The following NDUFAF6 variants were observed in gnomAD, a reference collection of about 807,000 sequenced individuals.
NDUFAF6 encodes the protein NADH:ubiquinone oxidoreductase complex assembly factor 6.
A neutral mutation model predicts 40.8 loss-of-function variants in NDUFAF6; 45 were observed. The observed-to-expected ratio is 1.10, with a 90% CI of 0.87 to 1.42. The LOEUF is 1.42. Ranked by LOEUF, NDUFAF6 falls within the 40% of genes most tolerant of loss-of-function variation. The pLI is 0.00. For synonymous variants in NDUFAF6, 185 were observed against 155.9 expected (o/e 1.19, Z -1.39); for missense variants, 435 against 418.5 (o/e 1.04, Z -0.34).
intron 2 of NDUFAF6, among the ~76,000 whole-genome samples, chr8:94,983,456 A>G (rs557871255): frequency 2.1e-4 from 32 of 151,644 alleles, no homozygotes; most frequent in Non-Finnish European, 4.0e-4. Flanking sequence ...AGTAGAGACA[A>G]GTTTTCAGCA....
intron 1 of NDUFAF6, among the ~76,000 whole-genome samples, chr8:94,899,554 A>G (rs1259226182): frequency 6.6e-6 from 1 of 152,236 alleles, no homozygotes; most frequent in Non-Finnish European, 1.5e-5. Flanking sequence ...TTCCTGGTTT[A>G]TAAATGAGGA....
In NDUFAF6 at chr8:95,093,331, A is replaced by G. The variant is rs185781351; in HGVS notation, n.214-7801A>G. Among the ~76,000 whole-genome samples the G allele has an allele frequency of 2.1e-3, 323 of 152,288 alleles. 4 individuals carry two copies. Among genetic ancestry groups the G allele is most frequent in the Non-Finnish European group, 7.2e-4 (49 of 68,012 alleles). Reference sequence around the variant, plus strand: ...ATCTGAGGAATGCAGGCCTCCTTTCATTATCAGGCCCAAAGCAGCACTGAA... The same window carrying G: ...ATCTGAGGAATGCAGGCCTCCTTTCGTTATCAGGCCCAAAGCAGCACTGAA... On this transcript the variant is annotated intron_variant and non_coding_transcript_variant, in intron 2 of 5. Transcript: ENST00000523184.
intron 2 of NDUFAF6, among the ~76,000 whole-genome samples, chr8:95,033,294 C>A (rs1380428921): frequency 6.6e-6 from 1 of 152,162 alleles, no homozygotes; most frequent in Non-Finnish European, 1.5e-5. Context: ...GTTCTCCTGC[C>A]TCAGCCCCTA....
upstream of NDUFAF6, among the ~76,000 whole-genome samples, chr8:94,956,012 GCAGCTGAAT>G (rs1823038734): frequency 6.6e-6 from 1 of 152,162 alleles, no homozygotes; most frequent in Non-Finnish European, 1.5e-5. Context: ...AAAGTGAGAA[GCAGCTGAAT>G]CAGCTGAATC....
intron 1 of NDUFAF6, among the ~76,000 whole-genome samples, chr8:94,935,128 T>TAGATAGATAG (rs1554630991): frequency 6.9e-5 from 10 of 144,750 alleles, no homozygotes; most frequent in South Asian, 2.3e-4. Flanking sequence ...GGTAGATAGA[T>TAGATAGATAG]ATAGATAGAT....
intron 2 of NDUFAF6, among the ~76,000 whole-genome samples, chr8:94,996,140 A>T (rs924405316): frequency 3.9e-5 from 6 of 152,172 alleles, no homozygotes; most frequent in Non-Finnish European, 5.9e-5. Flanking sequence ...GTATCACGTT[A>T]AGTTAAACTG....
At chr8:95,097,909 C>T (rs1456748237), upstream of NDUFAF6, among the ~76,000 whole-genome samples, 2 of 152,150 alleles carry the variant, frequency 1.3e-5, no homozygotes, top group Non-Finnish European at 1.5e-5. Flanking sequence ...ATCTCTAGGC[C>T]TACTGGAGCA....
chr8:94,928,396 T>C (rs1465010560), intron 1 of NDUFAF6: 2 of 152,324 alleles, frequency 1.3e-5, no homozygotes, highest in African/African-American at 4.8e-5. Flanking sequence ...CTGAAGACAT[T>C]AAGCTGGTCT....
intron 2 of NDUFAF6, among the ~76,000 whole-genome samples, chr8:94,996,240 A>G (rs552948088): frequency 6.6e-6 from 1 of 152,160 alleles, no homozygotes; most frequent in Non-Finnish European, 1.5e-5. Context: ...GTACAATGAA[A>G]CAAATGCCAC....
At chr8:95,113,728 A>C (rs1207088884) in intron 4 of NDUFAF6, among the ~76,000 whole-genome samples, 1 of 152,198 alleles carries the variant, frequency 6.6e-6, no homozygotes, top group Non-Finnish European at 1.5e-5. Context: ...AAGAGAAGTC[A>C]GAGATAAAAT....
chr8:95,035,916 A>G (rs953090668), intron 3 of NDUFAF6, among the ~76,000 whole-genome samples: 1 of 148,378 alleles, frequency 6.7e-6, no homozygotes, highest in Non-Finnish European at 1.5e-5. Flanking sequence ...TCTGCCTAGC[A>G]GCAGCTCCTT....
chr8:94,961,129 C>T (rs976638117), intron 1 of NDUFAF6, among the ~76,000 whole-genome samples: 4 of 152,188 alleles, frequency 2.6e-5, no homozygotes, highest in South Asian at 2.1e-4. Flanking sequence ...ATAAACCACT[C>T]GGTCCCAATT....
chr8:95,054,566 C>T (rs1022834096), intron 8 of NDUFAF6, among the ~76,000 whole-genome samples: 1 of 151,878 alleles, frequency 6.6e-6, no homozygotes, highest in Non-Finnish European at 1.5e-5. Flanking sequence ...TCCCGAGTAG[C>T]TGGGATTACA....
intron 2 of NDUFAF6, among the ~76,000 whole-genome samples, chr8:94,991,683 T>C (rs1372993129): frequency 6.6e-6 from 1 of 152,182 alleles, no homozygotes; most frequent in East Asian, 1.9e-4. Context: ...TTTTTTCTTT[T>C]GCCTTCTAGC....
exon 10 of NDUFAF6, chr8:95,075,749 C>G: frequency 7.9e-7 from 1 of 1,267,326 alleles, no homozygotes; most frequent in African/African-American, 1.5e-5. Context: ...GCGCACTTCT[C>G]CAGGTACTTG....
intron 1 of NDUFAF6, among the ~76,000 whole-genome samples, chr8:94,935,586 T>C: frequency 6.6e-6 from 1 of 152,336 alleles, no homozygotes; most frequent in East Asian, 1.9e-4. Context: ...TCTATTTCTC[T>C]GTCTCTGCTG....
intron 1 of NDUFAF6, among the ~76,000 whole-genome samples, chr8:94,937,793 C>T (rs1821136734): frequency 6.6e-6 from 1 of 152,110 alleles, no homozygotes; most frequent in Admixed American, 6.6e-5. Context: ...TACCTAGACC[C>T]CATCTTGCAA....
intron 2 of NDUFAF6, among the ~76,000 whole-genome samples, chr8:94,982,665 C>G (rs998338941): frequency 4.6e-5 from 7 of 152,220 alleles, no homozygotes; most frequent in African/African-American, 1.7e-4. Flanking sequence ...AGGCACCCTC[C>G]CATTATGCGT....
chr8:95,000,591 TA>T (rs1826677270), intron 2 of NDUFAF6, among the ~76,000 whole-genome samples: 1 of 131,412 alleles, frequency 7.6e-6, no homozygotes, highest in East Asian at 2.2e-4. Flanking sequence ...ATGCTTATTG[TA>T]AAAAAATTCA....
Sources: allele counts gnomAD v4.1 joint callset (sites outside exome capture counted in the v4.1 genomes callset), GRCh38; gene constraint gnomAD v4.1.1; transcripts MANE v1.5; gene names NCBI Gene and HGNC (gene_info 2026-07-23, HGNC 2026-07-21).